EXOC6B: variants seen among roughly 807,000 people sequenced by gnomAD.
EXOC6B encodes the protein SEC15 homolog B.
Under a neutral mutation model 113.5 loss-of-function variants are expected in EXOC6B, and 54 were observed. That is an observed-to-expected ratio of 0.48 (90% CI 0.38 to 0.60). The LOEUF is 0.60. Among genes scored for constraint, EXOC6B ranks in the 20% least tolerant of loss-of-function variants. The pLI is 0.00. For missense variants in EXOC6B, 797 were observed against 977.5 expected, an observed-to-expected ratio of 0.82 and a Z score of 2.46; for synonymous variants, 357 against 339.0, an observed-to-expected ratio of 1.05 and a Z score of -0.58.
At chr2:72,561,736 A>G (rs1274429561) in intron 7 of EXOC6B, among the ~76,000 whole-genome samples, 2 of 152,186 alleles carry the variant, frequency 1.3e-5, no homozygotes, top group East Asian at 3.8e-4. Flanking sequence ...ATATTTAGAA[A>G]GGAGACAAAG....
chr2:72,452,369 A>C (rs1271186553), intron 18 of EXOC6B, among the ~76,000 whole-genome samples: 1 of 152,192 alleles, frequency 6.6e-6, no homozygotes, highest in Non-Finnish European at 1.5e-5. Flanking sequence ...TCCTTCAAAT[A>C]ACATGTAACA....
chr2:72,672,393 G>A (rs1382837731), intron 6 of EXOC6B, among the ~76,000 whole-genome samples: 1 of 151,722 alleles, frequency 6.6e-6, no homozygotes, highest in Non-Finnish European at 1.5e-5. Context: ...CACCTTGGGA[G>A]GCTGAGGCAG....
At chr2:72,474,210 T>G (rs936851565) in intron 17 of EXOC6B, among the ~76,000 whole-genome samples, 2 of 152,144 alleles carry the variant, frequency 1.3e-5, no homozygotes, top group Admixed American at 6.5e-5. Context: ...GTGTTTACAT[T>G]TAGATAGTTT....
chr2:72,632,185 GGA>G (rs1366904651), intron 6 of EXOC6B, among the ~76,000 whole-genome samples: 1 of 152,142 alleles, frequency 6.6e-6, no homozygotes, highest in African/African-American at 2.4e-5. Flanking sequence ...TCACAAAGGA[GGA>G]ATAGACCTAG....
intron 18 of EXOC6B, among the ~76,000 whole-genome samples, chr2:72,384,929 A>G (rs768519233): frequency 1.2e-4 from 18 of 152,120 alleles, no homozygotes; most frequent in South Asian, 2.1e-4. Flanking sequence ...TAAAATGTCC[A>G]TTCTACCCAA....
At chr2:72,435,219 A>G (rs1695778815) in intron 18 of EXOC6B, among the ~76,000 whole-genome samples, 1 of 152,084 alleles carries the variant, frequency 6.6e-6, no homozygotes, top group South Asian at 2.1e-4. Flanking sequence ...TGTTGTTTTG[A>G]GTGAGTTTCT....
chr2:72,426,014 C>A (rs2105280322), intron 18 of EXOC6B, among the ~76,000 whole-genome samples: 1 of 152,204 alleles, frequency 6.6e-6, no homozygotes. Flanking sequence ...ATTTAGTAAA[C>A]CTTCTCAATC....
chr2:72,706,541 T>C (rs78550706), intron 6 of EXOC6B, among the ~76,000 whole-genome samples: 2,339 of 152,066 alleles, frequency 0.015, 83 homozygotes, highest in African/African-American at 0.054. Context: ...CCAGATAATA[T>C]TTTTTTTGTT....
chr2:72,788,063 T>C (rs1684474619), intron 1 of EXOC6B, among the ~76,000 whole-genome samples: 1 of 152,226 alleles, frequency 6.6e-6, no homozygotes, highest in African/African-American at 2.4e-5. Context: ...TTACCTGACA[T>C]AGTTCAGTAA....
intron 18 of EXOC6B, among the ~76,000 whole-genome samples, chr2:72,437,395 G>A (rs1695944475): frequency 1.3e-5 from 2 of 152,250 alleles, no homozygotes; most frequent in Admixed American, 6.5e-5. Flanking sequence ...ACTTGAGGAG[G>A]CAGTCTGTTC....
rs115147268 is a variant in EXOC6B, at chr2:72,329,596, G to C, written c.2196+5351C>G. Among the ~76,000 whole-genome samples, 1,120 of 152,070 alleles carry C rather than the reference G, an allele frequency of 7.4e-3. 22 individuals are homozygous for C. The highest frequency in any genetic ancestry group is 0.025 in the African/African-American group (1,056 of 41,512). ...TATGAGTCACAGCAGTCAAGCAAAG[G>C]GGGGAATGTTCCTTCTAGGAACACA... is the stretch of plus-strand genomic sequence containing the variant. On this transcript the variant is annotated intron_variant, in intron 20 of 21. Transcript: ENST00000272427.
At chr2:72,518,483 GGTGTGTGTGTGTGTGT>G (rs138382972) in intron 8 of EXOC6B, among the ~76,000 whole-genome samples, 67 of 143,476 alleles carry the variant, frequency 4.7e-4, no homozygotes, top group Non-Finnish European at 2.3e-4. Flanking sequence ...ATTAAAGTAG[GGTGTGTGTGTGTGTGT>G]GTGTGTGTGT....
chr2:72,814,348 G>A (rs547343107), intron 1 of EXOC6B, among the ~76,000 whole-genome samples: 13 of 152,278 alleles, frequency 8.5e-5, no homozygotes, highest in East Asian at 1.9e-4. Flanking sequence ...TATTGTTGTC[G>A]TTGCTTTTGT....
intron 1 of EXOC6B, among the ~76,000 whole-genome samples, chr2:72,778,980 T>C: frequency 6.6e-6 from 1 of 152,142 alleles, no homozygotes; most frequent in Non-Finnish European, 1.5e-5. Flanking sequence ...AGTGAATATG[T>C]CCATATATAG....
chr2:72,575,775 C>T (rs1704809874), intron 6 of EXOC6B, 107 bp from the exon 7 acceptor site: 1 of 1,060,774 alleles, frequency 9.4e-7, no homozygotes, highest in African/African-American at 1.6e-5. Context: ...TTTCAACAAA[C>T]TTCTAATTTT....
chr2:72,696,361 A>G (rs1480541363), intron 6 of EXOC6B, among the ~76,000 whole-genome samples: 1 of 152,240 alleles, frequency 6.6e-6, no homozygotes, highest in East Asian at 1.9e-4. Context: ...AATGACAAGA[A>G]AATAGCAAGG....
intron 20 of EXOC6B, among the ~76,000 whole-genome samples, chr2:72,236,595 G>A (rs1681972391): frequency 6.6e-6 from 1 of 152,056 alleles, no homozygotes; most frequent in African/African-American, 2.4e-5. Flanking sequence ...TCTCTGAATT[G>A]TTTTGGCATG....
intron 6 of EXOC6B, among the ~76,000 whole-genome samples, chr2:72,666,516 A>C (rs2104471263): frequency 6.6e-6 from 1 of 152,198 alleles, no homozygotes; most frequent in South Asian, 2.1e-4. Flanking sequence ...TAGTGGTGGA[A>C]GTCTTAGCCA....
chr2:72,528,428 T>G (rs2105744925), intron 8 of EXOC6B, among the ~76,000 whole-genome samples: 1 of 152,250 alleles, frequency 6.6e-6, no homozygotes, highest in South Asian at 2.1e-4. Flanking sequence ...CCATGCCATC[T>G]TGATTGCTAT....
Sources: allele counts gnomAD v4.1 joint callset (sites outside exome capture counted in the v4.1 genomes callset), GRCh38; gene constraint gnomAD v4.1.1; transcripts MANE v1.5; gene names NCBI Gene and HGNC (gene_info 2026-07-23, HGNC 2026-07-21).